SEC22A: variants seen among roughly 807,000 people sequenced by gnomAD.
SEC22A encodes the protein vesicle-trafficking protein SEC22a.
A neutral mutation model predicts 35.3 loss-of-function variants in SEC22A; 22 were observed. The observed-to-expected ratio is 0.62, with a 90% CI of 0.45 to 0.89. The LOEUF (loss-of-function observed/expected upper bound fraction) is 0.89. SEC22A is among the 40% of genes least tolerant of loss of function. The pLI, the probability that SEC22A is intolerant of heterozygous loss-of-function variation, is 0.00. For missense variants in SEC22A, 354 were observed against 362.5 expected (o/e 0.98, Z 0.19); for synonymous variants, 119 against 129.5 (o/e 0.92, Z 0.55).
chr3:123,259,844 A>G lies in SEC22A; in HGVS notation c.723+255A>G, dbSNP rs77973297. On this transcript the variant is annotated intron_variant, in intron 6 of 6. Coordinates refer to ENST00000492595, the MANE Select transcript of SEC22A (RefSeq NM_012430.5). ...TCATCTGCCTATGGTAGTAAAGACT[A>G]CTTCTAGGCTGGGTGTGGTGGCTCA... Among the ~76,000 whole-genome samples the G allele has an allele frequency of 2.7e-3, 409 of 152,142 alleles. 4 individuals carry two copies. Among genetic ancestry groups the G allele is most frequent in the African/African-American group, 9.1e-3 (377 of 41,500 alleles).
intron 2 of SEC22A, among the ~76,000 whole-genome samples, chr3:123,214,190 G>T (rs1039020798): frequency 7.9e-5 from 12 of 152,036 alleles, no homozygotes; most frequent in Admixed American, 7.2e-4. Context: ...GTGAGACTCT[G>T]CCTCAAAATA....
chr3:123,243,371 A>G (rs563978886), intron 4 of SEC22A, among the ~76,000 whole-genome samples: 1 of 152,310 alleles, frequency 6.6e-6, no homozygotes, highest in Admixed American at 6.5e-5. Context: ...TGTTGAGAGC[A>G]GTCACTGTTG....
intron 2 of SEC22A, among the ~76,000 whole-genome samples, chr3:123,209,825 G>A (rs774632247): frequency 6.6e-6 from 1 of 152,206 alleles, no homozygotes; most frequent in Non-Finnish European, 1.5e-5. Context: ...GGGATAGAGA[G>A]TGACTATTTA....
chr3:123,209,021 C>T (rs1462448822), intron 1 of SEC22A, 178 bp from the exon 2 acceptor site: 2 of 480,674 alleles, frequency 4.2e-6, no homozygotes, highest in Non-Finnish European at 7.6e-6. Flanking sequence ...TCTCAAACTC[C>T]TGATCTTGTG....
chr3:123,214,210 A>T (rs995108680), intron 2 of SEC22A, among the ~76,000 whole-genome samples: 2 of 152,140 alleles, frequency 1.3e-5, no homozygotes, highest in East Asian at 1.9e-4. Flanking sequence ...AAATAAATAA[A>T]TAAAATTTAA....
At position 123,260,131 on chromosome 3, in the gene SEC22A, C is replaced by CAAAAAAAAAAAAAAAAAA. The variant is rs533386545; in HGVS notation, c.723+563_723+580dup. ...TGGGCAACAGAGCGAGACTACATCTCAAAAAAAAAAAAAAAAAAAAAAAAA... is the reference window on the plus strand; with the variant it reads ...TGGGCAACAGAGCGAGACTACATCTCAAAAAAAAAAAAAAAAAAAAAAAAAAAAAAAAAAAAAAAAAAA... On this transcript the variant is annotated intron_variant, in intron 6 of 6. Transcript: ENST00000492595. 3.2e-4 allele frequency among the ~76,000 whole-genome samples: 16 copies of CAAAAAAAAAAAAAAAAAA among 49,784 alleles called. 1 individual carries two copies. The highest frequency in any genetic ancestry group is 4.8e-4 in the Non-Finnish European group (15 of 31,072). The allele number at this position is 49,784 out of a possible 152,430, so 32.7% of individuals were successfully genotyped here. A position where few individuals can be genotyped will look rare whatever the true frequency, so the allele number is the denominator to read the frequency against.
At chr3:123,234,852 A>G (rs1264574346) in intron 4 of SEC22A, among the ~76,000 whole-genome samples, 1 of 151,794 alleles carries the variant, frequency 6.6e-6, no homozygotes, top group Non-Finnish European at 1.5e-5. Context: ...GCGAAACCTC[A>G]TCTCTACAAA....
intron 1 of SEC22A, among the ~76,000 whole-genome samples, chr3:123,205,696 CAAAA>C (rs573465467): frequency 5.0e-5 from 7 of 139,386 alleles, no homozygotes; most frequent in African/African-American, 1.8e-4. Flanking sequence ...CAAAACAAAA[CAAAA>C]AAACAACAAA....
At chr3:123,234,385 C>A (rs1483077415) in intron 4 of SEC22A, among the ~76,000 whole-genome samples, 1 of 152,088 alleles carries the variant, frequency 6.6e-6, no homozygotes, top group Admixed American at 6.5e-5. Context: ...TACCAACCTA[C>A]AATTATCATG....
intron 1 of SEC22A, chr3:123,204,947 C>G (rs555150605): frequency 3.3e-5 from 5 of 152,320 alleles, no homozygotes; most frequent in African/African-American, 1.2e-4. Flanking sequence ...GGGATTTTCC[C>G]AACCACAACC....
rs77191491 is a variant in SEC22A, at chr3:123,263,880, A to G, written c.723+4291A>G. On this transcript the variant is annotated intron_variant, in intron 6 of 6. Transcript: ENST00000492595. ...TATTTGTTGCTTTTTATTGCTGAGT[A>G]GTATTCTATGATATGTATTCAATGT... 1.2e-3 allele frequency among the ~76,000 whole-genome samples: 187 copies of G among 151,676 alleles called. 2 individuals are homozygous for G. The East Asian group carries it at 0.035, about 28-fold the overall frequency.
rs775365550 is a variant in SEC22A, at chr3:123,209,203, TCTC to T, written c.-14_-12del. On this transcript the variant is annotated 5_prime_UTR_variant, in exon 2 of 7. Coordinates refer to ENST00000492595, the MANE Select transcript of SEC22A (RefSeq NM_012430.5). ...AAATTGTTCATTTTGTTTTAGGTCT[TCTC>T]TGTTGGTTGAAATGTCTATGATTTT... The T allele has an allele frequency of 3.7e-5, 60 of 1,613,420 alleles. No individual in the cohort carries two copies. The highest frequency in any genetic ancestry group is 4.7e-5 in the Non-Finnish European group (56 of 1,179,602).
At chr3:123,218,917 A>G (rs1344031418) in intron 2 of SEC22A, among the ~76,000 whole-genome samples, 2 of 152,218 alleles carry the variant, frequency 1.3e-5, no homozygotes, top group Non-Finnish European at 1.5e-5. Context: ...CCCTGCTCTC[A>G]TGGAGTGTGT....
chr3:123,245,774 G>C (rs1373731899), intron 4 of SEC22A, 125 bp from the exon 5 acceptor site: 4 of 626,996 alleles, frequency 6.4e-6, no homozygotes, highest in Non-Finnish European at 1.2e-5. Flanking sequence ...TGAATATATG[G>C]TGTTAAATAA....
At chr3:123,222,424 C>A (rs557054754) in intron 2 of SEC22A, among the ~76,000 whole-genome samples, 3 of 152,092 alleles carry the variant, frequency 2.0e-5, no homozygotes, top group African/African-American at 7.2e-5. Flanking sequence ...GTCTCAAGTT[C>A]CTGACCTCAG....
intron 2 of SEC22A, among the ~76,000 whole-genome samples, chr3:123,212,176 A>C (rs1379018202): frequency 6.6e-6 from 1 of 152,128 alleles, no homozygotes. Flanking sequence ...AGAAGTGCCT[A>C]CTGGGTTTAG....
intron 5 of SEC22A, among the ~76,000 whole-genome samples, chr3:123,252,151 C>A (rs1937622000): frequency 6.6e-6 from 1 of 152,146 alleles, no homozygotes; most frequent in African/African-American, 2.4e-5. Flanking sequence ...GAAGTTTTAT[C>A]ATTGTTCACA....
chr3:123,245,804 G>T, intron 4 of SEC22A, 95 bp from the exon 5 acceptor site: 1 of 685,290 alleles, frequency 1.5e-6, no homozygotes, highest in South Asian at 1.8e-5. Context: ...GTATCTGCTT[G>T]ACCCATTTAA....
Position 123,272,375 on chromosome 3 carries a change from T to G in SEC22A, c.*653T>G, listed in dbSNP as rs1938190760. ...TGGATGTTTCCTTTCTAATCCACATTTATTGTTTCTTTTGAAATCACGTCT... is the reference window on the plus strand; with the variant it reads ...TGGATGTTTCCTTTCTAATCCACATGTATTGTTTCTTTTGAAATCACGTCT... On this transcript the variant is annotated 3_prime_UTR_variant, in exon 7 of 7. Coordinates refer to ENST00000492595, the MANE Select transcript of SEC22A (RefSeq NM_012430.5). 6.6e-6 allele frequency: 1 copy of G among 152,218 alleles called. No individual in the cohort carries two copies. Among genetic ancestry groups the G allele is most frequent in the African/African-American group, 2.4e-5 (1 of 41,454 alleles). 9.4% of individuals were successfully genotyped at this position (152,218 alleles called of 1,614,324 possible).
Sources: gnomAD v4.1 joint callset for allele counts (sites outside exome capture counted in the v4.1 genomes callset) on GRCh38, gnomAD v4.1.1 for gene constraint, MANE v1.5 for transcripts, NCBI Gene and HGNC (gene_info 2026-07-23, HGNC 2026-07-21) for gene names.